NEDD9: variants seen among roughly 807,000 people sequenced by gnomAD.
NEDD9 encodes the protein neural precursor cell expressed, developmentally down-regulated 9.
Under a neutral mutation model 76.6 loss-of-function variants are expected in NEDD9, and 26 were observed. The ratio of observed to expected loss-of-function variants is 0.34; its 90% CI spans 0.25 to 0.47. The LOEUF is 0.47. NEDD9 is among the 20% of genes least tolerant of loss of function. The probability of loss-of-function intolerance (pLI) is 1.00; values close to 1 mark genes in which losing one functional copy is unlikely to be tolerated. For synonymous variants in NEDD9, 392 were observed against 414.2 expected (o/e 0.95, Z 0.65); for missense variants, 937 against 1,058.5 (o/e 0.89, Z 1.59).
At chr6:11,347,064 C>T (rs963148146) in intron 1 of NEDD9, among the ~76,000 whole-genome samples, 1 of 152,158 alleles carries the variant, frequency 6.6e-6, no homozygotes, top group East Asian at 1.9e-4. Flanking sequence ...ACCATCCCCT[C>T]CACTCTCCAG....
chr6:11,280,517 C>T (rs543267994), intron 3 of NEDD9, among the ~76,000 whole-genome samples: 45 of 152,224 alleles, frequency 3.0e-4, no homozygotes, highest in Non-Finnish European at 5.6e-4. Context: ...TTTGCTCCTC[C>T]GGTGCCATCT....
chr6:11,308,361 C>CT (rs933892327), intron 2 of NEDD9, among the ~76,000 whole-genome samples: 9,308 of 87,848 alleles, frequency 0.11, 1,431 homozygotes, highest in Non-Finnish European at 0.12. Context: ...GATGGGACAT[C>CT]TTTTTTTTTT....
At chr6:11,331,081 A>G (rs977692390) in intron 2 of NEDD9, among the ~76,000 whole-genome samples, 1 of 152,196 alleles carries the variant, frequency 6.6e-6, no homozygotes, top group Non-Finnish European at 1.5e-5. Context: ...AGCTGAAACA[A>G]ATCAAACCAA....
intron 1 of NEDD9, among the ~76,000 whole-genome samples, chr6:11,343,351 T>A (rs1441636416): frequency 6.6e-6 from 1 of 151,700 alleles, no homozygotes; most frequent in Non-Finnish European, 1.5e-5. Context: ...ATTGCTTGAA[T>A]CTGGGAGGCA....
At chr6:11,335,879 G>T (rs554893417) in intron 1 of NEDD9, among the ~76,000 whole-genome samples, 5 of 152,216 alleles carry the variant, frequency 3.3e-5, no homozygotes, top group Admixed American at 2.6e-4. Flanking sequence ...TGACCAAGTG[G>T]CTCCTCTAAA....
chr6:11,333,921 C>T (rs1762098794), intron 2 of NEDD9, among the ~76,000 whole-genome samples: 2 of 152,226 alleles, frequency 1.3e-5, no homozygotes, highest in African/African-American at 4.8e-5. Context: ...AAGATGGACC[C>T]TCCAGTTCTG....
chr6:11,282,935 T>TA (rs1202044644), intron 3 of NEDD9, among the ~76,000 whole-genome samples: 5 of 152,254 alleles, frequency 3.3e-5, no homozygotes, highest in Admixed American at 2.0e-4. Flanking sequence ...AGAAAAGTCG[T>TA]TATGATCACC....
intron 1 of NEDD9, among the ~76,000 whole-genome samples, chr6:11,347,239 C>T (rs1429384222): frequency 2.0e-5 from 3 of 152,196 alleles, no homozygotes; most frequent in Non-Finnish European, 4.4e-5. Flanking sequence ...CAAGTCACTT[C>T]TCTCTGAGAC....
Position 11,193,586 on chromosome 6 carries a change from C to T in NEDD9, c.561+5G>A. On this transcript the variant is annotated splice_donor_5th_base_variant and intron_variant, in intron 3 of 6. Transcript: ENST00000379446. Reference sequence around the variant, plus strand: ...CTCCTCTTGTGACCATGTTCTGGTACGCACCCCTTGAGTGGTATGAGAAGG... The same window carrying T: ...CTCCTCTTGTGACCATGTTCTGGTATGCACCCCTTGAGTGGTATGAGAAGG... 3 of 1,605,688 alleles carry T rather than the reference C, an allele frequency of 1.9e-6. No homozygotes were observed. Among genetic ancestry groups the T allele is most frequent in the Non-Finnish European group, 2.6e-6 (3 of 1,172,526 alleles).
At chr6:11,314,486 C>T (rs959214349) in intron 2 of NEDD9, among the ~76,000 whole-genome samples, 3 of 152,144 alleles carry the variant, frequency 2.0e-5, no homozygotes. Context: ...GGTCTTCTGC[C>T]TGTAGGGTGT....
At chr6:11,362,770 AT>A (rs34113930) in intron 1 of NEDD9, among the ~76,000 whole-genome samples, 1 of 152,356 alleles carries the variant, frequency 6.6e-6, no homozygotes, top group African/African-American at 2.4e-5. Flanking sequence ...GTGCATTAGC[AT>A]TTGAGTGTTA....
At chr6:11,331,534 G>A (rs77222703) in intron 2 of NEDD9, among the ~76,000 whole-genome samples, 2 of 151,974 alleles carry the variant, frequency 1.3e-5, no homozygotes, top group Admixed American at 1.3e-4. Context: ...AAAATAAAAG[G>A]GTTCAAAAAA....
At chr6:11,305,575 C>T (rs1209577704) in intron 3 of NEDD9, among the ~76,000 whole-genome samples, 5 of 152,094 alleles carry the variant, frequency 3.3e-5, no homozygotes, top group African/African-American at 7.2e-5. Context: ...GAGGAATGGC[C>T]GAATGGAAGT....
chr6:11,315,884 C>T (rs1183107848), intron 2 of NEDD9, among the ~76,000 whole-genome samples: 4 of 152,180 alleles, frequency 2.6e-5, no homozygotes, highest in Admixed American at 1.3e-4. Flanking sequence ...GCAAGGTATT[C>T]CAAACTACTG....
intron 2 of NEDD9, among the ~76,000 whole-genome samples, chr6:11,327,749 C>A (rs1354426083): frequency 1.3e-5 from 2 of 152,244 alleles, no homozygotes; most frequent in South Asian, 2.1e-4. Flanking sequence ...GATGGGGAGG[C>A]AATCCCTCAT....
chr6:11,193,310 TAA>T (rs796698181), intron 3 of NEDD9, among the ~76,000 whole-genome samples: 11 of 136,536 alleles, frequency 8.1e-5, no homozygotes, highest in African/African-American at 5.4e-5. Context: ...GATTCTGTCT[TAA>T]AAAAAAAAAA....
intron 1 of NEDD9, among the ~76,000 whole-genome samples, chr6:11,345,935 C>T (rs1410926711): frequency 2.6e-5 from 4 of 152,228 alleles, no homozygotes. Context: ...ACAACTTCTG[C>T]ACCTGCTCTG....
At chr6:11,319,718 G>C (rs1475318596) in intron 2 of NEDD9, among the ~76,000 whole-genome samples, 3 of 129,518 alleles carry the variant, frequency 2.3e-5, no homozygotes, top group Non-Finnish European at 4.7e-5. Flanking sequence ...ACACAAACAT[G>C]CACACTCACA....
At position 11,184,786 on chromosome 6, in the gene NEDD9, C is replaced by CA. The variant is rs972463283; in HGVS notation, c.*375dup. ...CCAGCTGGTATGTTTTTAACAACAA[C>CA]AAAAAAAATGCAGCATTAGAAGGTG... On this transcript the variant is annotated 3_prime_UTR_variant, in exon 7 of 7. Transcript: ENST00000379446. 48 of 166,096 alleles carry CA rather than the reference C, an allele frequency of 2.9e-4. No individual in the cohort carries two copies. Among genetic ancestry groups the CA allele is most frequent in the Admixed American group, 1.0e-3 (18 of 17,524 alleles). The allele number at this position is 166,096 out of a possible 1,614,324, so 10.3% of individuals were successfully genotyped here. A position where few individuals can be genotyped will look rare whatever the true frequency, so the allele number is the denominator to read the frequency against.
Sources: gnomAD v4.1 joint callset for allele counts (sites outside exome capture counted in the v4.1 genomes callset) on GRCh38, gnomAD v4.1.1 for gene constraint, MANE v1.5 for transcripts, NCBI Gene and HGNC (gene_info 2026-07-23, HGNC 2026-07-21) for gene names.